The following OR2V2 variants were observed in gnomAD, a reference collection of about 807,000 sequenced individuals.
OR2V2 encodes the protein olfactory receptor family 2 subfamily V member 2.
For missense variants in OR2V2, 392 were observed against 392.2 expected, an observed-to-expected ratio of 1.00 and a Z score of 0.00; for synonymous variants, 161 against 151.3, an observed-to-expected ratio of 1.06 and a Z score of -0.47.
chr5:181,149,446 A>G (rs1263337410), intron 1 of OR2V2, among the ~76,000 whole-genome samples: 4 of 152,236 alleles, frequency 2.6e-5, no homozygotes, highest in African/African-American at 4.8e-5. Context: ...CACTTCAGGC[A>G]GAACAGCCCC....
At position 181,158,774 on chromosome 5, in the gene OR2V2, T is replaced by A. The variant is rs1283374680; in HGVS notation, c.*2884T>A. The A allele has an allele frequency of 1.3e-5, 2 of 151,778 alleles. No individual in the cohort carries two copies. The highest frequency in any genetic ancestry group is 2.4e-5 in the African/African-American group (1 of 41,512). The allele number at this position is 151,778 out of a possible 1,614,324, so 9.4% of individuals were successfully genotyped here. On this transcript the variant is annotated 3_prime_UTR_variant, in exon 2 of 2. Coordinates refer to ENST00000641492, the MANE Select transcript of OR2V2 (RefSeq NM_206880.2). ...TTTTGTGTATGCCTGACATTTTTTATAATTAACAGTTTAAAATGCTCAAGG... is the reference window on the plus strand; with the variant it reads ...TTTTGTGTATGCCTGACATTTTTTAAAATTAACAGTTTAAAATGCTCAAGG...
intron 1 of OR2V2, among the ~76,000 whole-genome samples, chr5:181,152,544 G>A (rs1314769102): frequency 1.3e-5 from 2 of 152,244 alleles, no homozygotes; most frequent in African/African-American, 4.8e-5. Context: ...TGACTTGTGA[G>A]TTGGTTAGTG....
At chr5:181,150,641 T>G (rs1386009413) in intron 1 of OR2V2, among the ~76,000 whole-genome samples, 2 of 152,170 alleles carry the variant, frequency 1.3e-5, no homozygotes, top group Admixed American at 1.3e-4. Flanking sequence ...CAGGAGCTGC[T>G]GTTCTCAGGA....
Position 181,155,102 on chromosome 5 carries a change from C to G in OR2V2, c.160C>G (p.Pro54Ala), listed in dbSNP as rs764026242. ...CCTCATCTTCCTCATCTACATGGAC[C>G]CTCACCTTCACACCCCCATGTACTT... Reference protein sequence around the residue: ...VLLIFLIYMDPHLHTPMYFFL... With the variant: ...VLLIFLIYMDAHLHTPMYFFL... The change falls in exon 2 of 2, where the codon CCT becomes GCT. Residue 54 changes from proline (P) to alanine (A), a missense_variant. Coordinates refer to ENST00000641492, the MANE Select transcript of OR2V2 (RefSeq NM_206880.2). The G allele has an allele frequency of 1.2e-4, 197 of 1,613,920 alleles. 1 individual carries two copies. In the African/African-American group the frequency reaches 2.3e-3, roughly 19 times the overall value.
At position 181,156,087 on chromosome 5, in the gene OR2V2, GTTCT is replaced by G. The variant is rs1763264005; in HGVS notation, c.*206_*209del. 1.0e-5 allele frequency: 3 copies of G among 292,132 alleles called. No individual in the cohort carries two copies. Among genetic ancestry groups the G allele is most frequent in the East Asian group, 2.0e-4 (1 of 5,086 alleles). The allele number at this position is 292,132 out of a possible 1,614,324, so 18.1% of individuals were successfully genotyped here. On this transcript the variant is annotated 3_prime_UTR_variant, in exon 2 of 2. Transcript: ENST00000641492. Reference sequence around the variant, plus strand: ...CTTTCTTTCTTTTGTTCTTTCTTTCGTTCTTTCTTTCTCTTCCTCTTTCTCTTTC... The same window carrying G: ...CTTTCTTTCTTTTGTTCTTTCTTTCGTTCTTTCTCTTCCTCTTTCTCTTTC...
In OR2V2 at chr5:181,155,767, C is replaced by A; in HGVS notation, c.825C>A (p.Ala275=). 1 of 1,614,178 alleles carries A rather than the reference C, an allele frequency of 6.2e-7. No individual in the cohort carries two copies. Among genetic ancestry groups the A allele is most frequent in the South Asian group, 1.1e-5 (1 of 91,082 alleles). Residue 275 remains alanine (A), a synonymous_variant, in exon 2 of 2, where the codon GCC becomes GCA. Coordinates refer to ENST00000641492, the MANE Select transcript of OR2V2 (RefSeq NM_206880.2). ...GGGCCCCCAGCCATGACAAGGTGGCCTCTATCTTCTACACGGTCCTTACTC... is the reference window on the plus strand; with the variant it reads ...GGGCCCCCAGCCATGACAAGGTGGCATCTATCTTCTACACGGTCCTTACTC... ...HYRAPSHDKV[A]SIFYTVLTPM...
intron 1 of OR2V2, among the ~76,000 whole-genome samples, chr5:181,151,183 T>C (rs1169666349): frequency 6.6e-6 from 1 of 151,800 alleles, no homozygotes; most frequent in African/African-American, 2.4e-5. Flanking sequence ...GGCCCTAAGG[T>C]CAGATGCATC....
chr5:181,155,613 G>C lies in OR2V2; in HGVS notation c.671G>C (p.Gly224Ala), dbSNP rs746616699. 26 of 1,614,006 alleles carry C rather than the reference G, an allele frequency of 1.6e-5. No individual in the cohort carries two copies. The highest frequency in any genetic ancestry group is 8.5e-7 in the Non-Finnish European group (1 of 1,180,032). ...GTGGCCTCCTATGCTCACATTCTAG[G>C]GACTGTGCTGCAAATGCACTCTGCT... ...IIVASYAHILGTVLQMHSAQA... is the reference protein window; with the variant it reads ...IIVASYAHILATVLQMHSAQA... Residue 224 changes from glycine to alanine, a missense_variant, in exon 2 of 2, where the codon GGG becomes GCG. Transcript: ENST00000641492.
intron 1 of OR2V2, among the ~76,000 whole-genome samples, chr5:181,148,359 G>A (rs1763151485): frequency 6.6e-6 from 1 of 152,144 alleles, no homozygotes; most frequent in Non-Finnish European, 1.5e-5. Flanking sequence ...GAAGGTGAAG[G>A]GATAGGAAGG....
chr5:181,150,687 C>T (rs1236822753), intron 1 of OR2V2, among the ~76,000 whole-genome samples: 2 of 152,162 alleles, frequency 1.3e-5, no homozygotes, highest in Admixed American at 6.5e-5. Flanking sequence ...TGATTCAGAA[C>T]CCACAGGGCC....
chr5:181,152,899 C>T (rs752763376), intron 1 of OR2V2, among the ~76,000 whole-genome samples: 1 of 152,204 alleles, frequency 6.6e-6, no homozygotes, highest in Non-Finnish European at 1.5e-5. Flanking sequence ...CCCACAGGAA[C>T]CATGAGATAA....
chr5:181,155,121 T>G lies in OR2V2; in HGVS notation c.179T>G (p.Met60Arg). 6.2e-7 allele frequency: 1 copy of G among 1,614,204 alleles called. No homozygotes were observed. The highest frequency in any genetic ancestry group is 8.5e-7 in the Non-Finnish European group (1 of 1,180,028). ...IYMDPHLHTP[M>R]YFFLSQLSLM... ...ATGGACCCTCACCTTCACACCCCCA[T>G]GTACTTCTTCCTCAGCCAGCTCTCC... The change falls in exon 2 of 2, where the codon ATG (methionine) becomes AGG (arginine). Residue 60 changes from methionine (M) to arginine (R), a missense_variant. Coordinates refer to ENST00000641492, the MANE Select transcript of OR2V2 (RefSeq NM_206880.2).
Position 181,155,687 on chromosome 5 carries a change from G to C in OR2V2, c.745G>C (p.Val249Leu), listed in dbSNP as rs1400702473. The change falls in exon 2 of 2, where the codon GTC becomes CTC. Residue 249 changes from valine to leucine, a missense_variant. By Grantham distance (32) the Val-to-Leu change is conservative (BLOSUM62 1). Transcript: ENST00000641492. ...CACCTGCTCCTCCCACCTGACAGCT[G>C]TCACCCTCTTCTATGGGGCAGCCAT... ...LATCSSHLTA[V>L]TLFYGAAMFI... 6.2e-7 allele frequency: 1 copy of C among 1,614,208 alleles called. No individual in the cohort carries two copies.
chr5:181,154,779 T>G, intron 1 of OR2V2, 140 bp from the exon 2 acceptor site: 1 of 625,476 alleles, frequency 1.6e-6, no homozygotes, highest in Non-Finnish European at 2.8e-6. Flanking sequence ...TAGGGAGATA[T>G]GGAGTGTCCC....
At chr5:181,150,801 C>G (rs536447837) in intron 1 of OR2V2, among the ~76,000 whole-genome samples, 1 of 152,080 alleles carries the variant, frequency 6.6e-6, no homozygotes, top group Admixed American at 6.6e-5. Flanking sequence ...CATAAGGAGA[C>G]CCCCATCGCC....
chr5:181,155,279 G>A lies in OR2V2; in HGVS notation c.337G>A (p.Gly113Arg), dbSNP rs1202773709. 6.2e-7 allele frequency: 1 copy of A among 1,614,120 alleles called. No individual in the cohort carries two copies. The highest frequency in any genetic ancestry group is 2.2e-5 in the East Asian group (1 of 44,888). ...GLFVCLVGSE[G>R]LLLGLMAYDR... The stretch of plus-strand genomic sequence containing the variant: ...CTTTGTCTGTCTTGTGGGATCTGAG[G>A]GGCTCTTGCTGGGACTCATGGCTTA... Residue 113 changes from glycine (G) to arginine (R), a missense_variant, in exon 2 of 2, where the codon GGG (glycine) becomes AGG (arginine). By Grantham distance (125) the Gly-to-Arg change is moderately radical (BLOSUM62 -2). Coordinates refer to ENST00000641492, the MANE Select transcript of OR2V2 (RefSeq NM_206880.2).
chr5:181,152,350 C>G (rs894565398), intron 1 of OR2V2, among the ~76,000 whole-genome samples: 1 of 152,214 alleles, frequency 6.6e-6, no homozygotes, highest in Non-Finnish European at 1.5e-5. Flanking sequence ...GCCGCCTTAT[C>G]TTGTAAAATT....
chr5:181,151,210 G>A (rs186641842), intron 1 of OR2V2, among the ~76,000 whole-genome samples: 19 of 152,270 alleles, frequency 1.2e-4, no homozygotes, highest in African/African-American at 3.9e-4. Context: ...GCTCCAGGAA[G>A]AAAATAATAA....
At position 181,158,830 on chromosome 5, in the gene OR2V2, A is replaced by T. The variant is rs1763298649; in HGVS notation, c.*2940A>T. 6.6e-6 allele frequency: 1 copy of T among 151,982 alleles called. No homozygotes were observed. The allele number at this position is 151,982 out of a possible 1,614,324, so 9.4% of individuals were successfully genotyped here. A position where few individuals can be genotyped will look rare whatever the true frequency, so the allele number is the denominator to read the frequency against. On this transcript the variant is annotated 3_prime_UTR_variant, in exon 2 of 2. Coordinates refer to ENST00000641492, the MANE Select transcript of OR2V2 (RefSeq NM_206880.2). ...TTTTTTTTTGCCAACTACCTTACCA[A>T]ATCCTTTCCCATCAAGTTGTCTGTT... is the stretch of plus-strand genomic sequence containing the variant.
Sources: allele counts gnomAD v4.1 joint callset (sites outside exome capture counted in the v4.1 genomes callset), GRCh38; gene constraint gnomAD v4.1.1; transcripts MANE v1.5; gene names NCBI Gene and HGNC (gene_info 2026-07-23, HGNC 2026-07-21).